Variants in DAPK1 observed in about 807,000 individuals in gnomAD.
DAPK1 encodes death-associated protein kinase 1.
Under a neutral mutation model 144.9 loss-of-function variants are expected in DAPK1, and 56 were observed. The observed-to-expected ratio is 0.39, with a 90% CI of 0.31 to 0.48. DAPK1 has a LOEUF of 0.48. DAPK1 is among the 20% of genes least tolerant of loss of function. The pLI is 0.95. For missense variants in DAPK1, 1,454 were observed against 1,875.4 expected, an observed-to-expected ratio of 0.78 and a Z score of 4.15; for synonymous variants, 690 against 749.0, an observed-to-expected ratio of 0.92 and a Z score of 1.29.
intron 2 of DAPK1, among the ~76,000 whole-genome samples, chr9:87,509,189 G>T (rs897779235): frequency 6.6e-6 from 1 of 152,196 alleles, no homozygotes; most frequent in Non-Finnish European, 1.5e-5. Context: ...GTAGAGAACA[G>T]ACTTTTAATG....
rs56284867 is a variant in DAPK1 at position 87,650,050 on chromosome 9, G to C, written c.1558G>C (p.Ala520Pro). 2 of 1,614,126 alleles carry C rather than the reference G, an allele frequency of 1.2e-6. No homozygotes were observed. The highest frequency in any genetic ancestry group is 1.7e-5 in the Admixed American group (1 of 60,026). Residue 520 changes from alanine to proline, a missense_variant, in exon 16 of 26, where the codon GCC becomes CCC. Transcript: ENST00000408954. ...EGETPLLTASARGYHDIVECL... is the reference protein window; with the variant it reads ...EGETPLLTASPRGYHDIVECL... The stretch of plus-strand genomic sequence containing the variant: ...AGAGACGCCCCTCCTGACAGCCTCT[G>C]CCAGGGGCTACCACGACATCGTGGA...
At chr9:87,498,619 T>C (rs1824273998) in intron 1 of DAPK1, 3 of 317,524 alleles carry the variant, frequency 9.4e-6, no homozygotes, top group Non-Finnish European at 1.1e-5. Context: ...GCTTCATTCT[T>C]CCGCGGCGTC....
At chr9:87,653,074 C>T (rs1386334165) in intron 17 of DAPK1, among the ~76,000 whole-genome samples, 2 of 146,530 alleles carry the variant, frequency 1.4e-5, no homozygotes, top group African/African-American at 4.9e-5. Flanking sequence ...ATCCCAGGTC[C>T]TGATTCTGTG....
At chr9:87,568,385 T>C (rs1211140325) in intron 2 of DAPK1, among the ~76,000 whole-genome samples, 2 of 152,250 alleles carry the variant, frequency 1.3e-5, no homozygotes, top group African/African-American at 2.4e-5. Flanking sequence ...AACACTCCAG[T>C]TGTGATCAGT....
chr9:87,706,107 G>A lies in DAPK1; in HGVS notation c.3061-25G>A, dbSNP rs754069012. The A allele has an allele frequency of 3.3e-5, 52 of 1,557,208 alleles. No homozygotes were observed. Among genetic ancestry groups the A allele is most frequent in the Admixed American group, 1.0e-4 (6 of 57,206 alleles). On this transcript the variant is annotated intron_variant, in intron 25 of 25. Transcript: ENST00000408954. This position sits in a 1 kb window ranked among gnomAD's most constrained non-coding sequence, Gnocchi z 9.0. Reference sequence around the variant, plus strand: ...CCTGGCCAGGGCTCTGTCCCTAAGCGTGACTTTCTGTTGTCCCCCCGCAGA... The same window carrying A: ...CCTGGCCAGGGCTCTGTCCCTAAGCATGACTTTCTGTTGTCCCCCCGCAGA...
chr9:87,629,096 A>G (rs950983309), intron 3 of DAPK1, among the ~76,000 whole-genome samples: 6 of 152,202 alleles, frequency 3.9e-5, no homozygotes, highest in Non-Finnish European at 1.5e-5. Context: ...TTCTTTGGAA[A>G]GAGATCATTC....
chr9:87,653,957 G>A (rs1393906901), intron 17 of DAPK1, among the ~76,000 whole-genome samples: 1 of 152,142 alleles, frequency 6.6e-6, no homozygotes, highest in Non-Finnish European at 1.5e-5. Context: ...GCCCCCCAAT[G>A]TGCTGGGTTT....
chr9:87,659,583 G>A (rs185761782), intron 18 of DAPK1, among the ~76,000 whole-genome samples: 2 of 152,198 alleles, frequency 1.3e-5, no homozygotes, highest in African/African-American at 2.4e-5. Context: ...TGAAATGTGC[G>A]GCCCCCTCTG....
At position 87,498,173 on chromosome 9, in the gene DAPK1, A is replaced by G. The variant is rs767811292; in HGVS notation, c.-109+66A>G. 221 of 396,102 alleles carry G rather than the reference A, an allele frequency of 5.6e-4. 1 individual carries two copies. The highest frequency in any genetic ancestry group is 5.7e-4 in the South Asian group (4 of 7,012). The allele number at this position is 396,102 out of a possible 1,614,324, so 24.5% of individuals were successfully genotyped here. A position where few individuals can be genotyped will look rare whatever the true frequency, so the allele number is the denominator to read the frequency against. ...GGCGCCAGCTTTTGCTTTCCCAGCC[A>G]GGGCGCGGTGGGGTTTGTCCGGGCA... On this transcript the variant is annotated intron_variant, in intron 1 of 25. Transcript: ENST00000408954.
rs36212718 is a variant in DAPK1 at position 87,646,023 on chromosome 9, C to T, written c.1131+9C>T. 7.3e-4 allele frequency: 1,177 copies of T among 1,613,318 alleles called. 10 individuals carry two copies. In the African/African-American group the frequency reaches 0.014, roughly 19 times the overall value. On this transcript the variant is annotated intron_variant, in intron 12 of 25. Coordinates refer to ENST00000408954, the MANE Select transcript of DAPK1 (RefSeq NM_004938.4). ...TTAACCAACCCAACAAGGTCTGGTT[C>T]TGTTCTGCCGCATACTGGAGGGGTG...
intron 2 of DAPK1, among the ~76,000 whole-genome samples, chr9:87,511,463 G>C (rs1177391532): frequency 6.6e-6 from 1 of 152,192 alleles, no homozygotes; most frequent in Non-Finnish European, 1.5e-5. Flanking sequence ...TGTTAAGATG[G>C]GAAGAGATGC....
At position 87,639,425 on chromosome 9, in the gene DAPK1, C is replaced by G; in HGVS notation, c.495C>G (p.Ala165=). ...TCAAGATCATTGACTTTGGGTTGGC[C>G]CATAAAATTGACTTTGGAAATGAAT... ...PRIKIIDFGL[A]HKIDFGNEFK... The change falls in exon 5 of 26, where the codon GCC becomes GCG. Residue 165 remains alanine, a synonymous_variant. Transcript: ENST00000408954. 6.2e-7 allele frequency: 1 copy of G among 1,613,216 alleles called. No individual in the cohort carries two copies. Among genetic ancestry groups the G allele is most frequent in the Middle Eastern group, 1.6e-4 (1 of 6,062 alleles).
chr9:87,605,292 T>C, intron 3 of DAPK1, 117 bp downstream of exon 3: 2 of 798,244 alleles, frequency 2.5e-6, no homozygotes, highest in East Asian at 2.6e-5. Context: ...TTGGTTCTGC[T>C]GTATGAGGTG....
At chr9:87,624,129 C>T (rs1037470585) in intron 3 of DAPK1, among the ~76,000 whole-genome samples, 1 of 152,232 alleles carries the variant, frequency 6.6e-6, no homozygotes, top group African/African-American at 2.4e-5. Context: ...CAAGGCTCAG[C>T]AGGGACACCT....
chr9:87,703,872 C>A (rs1825544217), intron 25 of DAPK1, among the ~76,000 whole-genome samples: 1 of 152,198 alleles, frequency 6.6e-6, no homozygotes, highest in Admixed American at 6.5e-5. Flanking sequence ...GGAACGGGGG[C>A]AGTGCCTTCG....
At position 87,499,019 on chromosome 9, in the gene DAPK1, G is replaced by A. The variant is rs1824296409; in HGVS notation, c.-59G>A. ...GCTACGGAGGCGCAGGAGCGGTGGT[G>A]ATGGTCTGGGAAGCGGAGCTGAAGT... On this transcript the variant is annotated 5_prime_UTR_variant, in exon 2 of 26. The change abolishes the stop of an existing upstream ORF in the 5' untranslated region. Transcript: ENST00000408954. 2 of 1,444,658 alleles carry A rather than the reference G, an allele frequency of 1.4e-6. No individual in the cohort carries two copies. The highest frequency in any genetic ancestry group is 1.9e-6 in the Non-Finnish European group (2 of 1,026,384). The allele number at this position is 1,444,658 out of a possible 1,614,324, so 89.5% of individuals were successfully genotyped here.
In DAPK1 at chr9:87,707,452, G is replaced by A; in HGVS notation, c.*88G>A. ...ATCCTTCCCTTTGGAGATGCTGAGG[G>A]TGTTTCTTCCTGCACCCACAGCCAG... On this transcript the variant is annotated 3_prime_UTR_variant, in exon 26 of 26. Coordinates refer to ENST00000408954, the MANE Select transcript of DAPK1 (RefSeq NM_004938.4). This position sits in a 1 kb window ranked among gnomAD's most constrained non-coding sequence, Gnocchi z 4.0. 1.1e-6 allele frequency: 1 copy of A among 936,082 alleles called. No homozygotes were observed. The highest frequency in any genetic ancestry group is 1.6e-6 in the Non-Finnish European group (1 of 624,884). The allele number at this position is 936,082 out of a possible 1,614,324, so 58.0% of individuals were successfully genotyped here.
In DAPK1 at chr9:87,706,227, G is replaced by A; in HGVS notation, c.3156G>A (p.Glu1052=). ...TNVLGKLLSV[E]TPRALHHYRG... The stretch of plus-strand genomic sequence containing the variant: ...TCCTGGGGAAGTTGCTGTCCGTGGA[G>A]ACCCCACGGGCGCTGCACCACTACC... Residue 1052 remains glutamate (E), a synonymous_variant, in exon 26 of 26, where the codon GAG becomes GAA. Transcript: ENST00000408954. This position sits in a 1 kb window ranked among gnomAD's most constrained non-coding sequence, Gnocchi z 9.0. 1 of 1,613,646 alleles carries A rather than the reference G, an allele frequency of 6.2e-7. No homozygotes were observed. The highest frequency in any genetic ancestry group is 8.5e-7 in the Non-Finnish European group (1 of 1,179,556).
In DAPK1 at chr9:87,650,018, GAGA is replaced by G. The variant is rs1239843569; in HGVS notation, c.1529_1531del (p.Glu510del). 1.9e-6 allele frequency: 3 copies of G among 1,614,162 alleles called. No individual in the cohort carries two copies. The highest frequency in any genetic ancestry group is 1.7e-6 in the Non-Finnish European group (2 of 1,180,032). On this transcript the variant is annotated inframe_deletion, in exon 16 of 26. Transcript: ENST00000408954. Reference sequence around the variant, plus strand: ...GGCTGTAACGTGAACATCAAGAACCGAGAAGGAGAGACGCCCCTCCTGACAGCC... The same window carrying G: ...GGCTGTAACGTGAACATCAAGAACCGAGGAGAGACGCCCCTCCTGACAGCC...
Sources: allele counts gnomAD v4.1 joint callset (sites outside exome capture counted in the v4.1 genomes callset), GRCh38; gene constraint gnomAD v4.1.1; non-coding constraint Gnocchi (gnomAD v3.1); transcripts MANE v1.5; gene names NCBI Gene and HGNC (gene_info 2026-07-23, HGNC 2026-07-21).